SOX6: variants seen among roughly 807,000 people sequenced by gnomAD.
SOX6 encodes transcription factor SOX-6.
A neutral mutation model predicts 97.8 loss-of-function variants in SOX6; 11 were observed. The ratio of observed to expected loss-of-function variants is 0.11; its 90% CI spans 0.07 to 0.19. SOX6 has a LOEUF of 0.19. Among genes scored for constraint, SOX6 ranks in the 10% least tolerant of loss-of-function variants. The pLI is 1.00. For synonymous variants in SOX6, 360 were observed against 371.4 expected (o/e 0.97, Z 0.35); for missense variants, 810 against 1,039.5 (o/e 0.78, Z 3.04).
At chr11:16,591,345 A>AGATAGAT (rs1848150232) in intron 4 of SOX6, among the ~76,000 whole-genome samples, 1 of 91,886 alleles carries the variant, frequency 1.1e-5, no homozygotes, top group Non-Finnish European at 2.2e-5. Context: ...ATAGATAGAT[A>AGATAGAT]GATAGACAGA....
At chr11:16,166,713 G>A (rs1190926538) in intron 6 of SOX6, among the ~76,000 whole-genome samples, 1 of 152,150 alleles carries the variant, frequency 6.6e-6, no homozygotes, top group East Asian at 1.9e-4. Context: ...GGAAAGCAGT[G>A]GTGGTGATCA....
chr11:16,332,635 T>C (rs1425840868), intron 2 of SOX6, among the ~76,000 whole-genome samples: 1 of 152,208 alleles, frequency 6.6e-6, no homozygotes, highest in Non-Finnish European at 1.5e-5. Context: ...CATTTCTAAT[T>C]TCAACCTGAT....
chr11:16,108,987 A>C (rs1590201828), intron 7 of SOX6, among the ~76,000 whole-genome samples: 2 of 152,306 alleles, frequency 1.3e-5, no homozygotes, highest in South Asian at 2.1e-4. Context: ...TGAAGGCACA[A>C]ATACCATGAA....
chr11:16,013,462 C>A (rs527516462), intron 13 of SOX6, among the ~76,000 whole-genome samples: 1 of 151,934 alleles, frequency 6.6e-6, no homozygotes, highest in African/African-American at 2.4e-5. Context: ...GAACCTCAAC[C>A]CTTATCGGTG....
chr11:16,550,712 G>A (rs1847673934), intron 4 of SOX6, among the ~76,000 whole-genome samples: 1 of 152,076 alleles, frequency 6.6e-6, no homozygotes, highest in African/African-American at 2.4e-5. Flanking sequence ...CAGTAAGGAA[G>A]AAAGTGAAGT....
intron 4 of SOX6, among the ~76,000 whole-genome samples, chr11:16,487,986 G>T (rs556694502): frequency 6.6e-6 from 1 of 152,286 alleles, no homozygotes; most frequent in African/African-American, 2.4e-5. Flanking sequence ...AACAACTTAT[G>T]GGAATACAGA....
chr11:16,324,745 T>C (rs1434987160), intron 2 of SOX6, among the ~76,000 whole-genome samples: 1 of 152,120 alleles, frequency 6.6e-6, no homozygotes, highest in African/African-American at 2.4e-5. Flanking sequence ...AATGGAATAT[T>C]ATTTACAGTA....
At chr11:16,220,564 T>C (rs1254648768) in intron 4 of SOX6, among the ~76,000 whole-genome samples, 3 of 152,100 alleles carry the variant, frequency 2.0e-5, no homozygotes, top group East Asian at 1.9e-4. Flanking sequence ...TGCAATATTA[T>C]ACATGTTTAA....
intron 6 of SOX6, among the ~76,000 whole-genome samples, chr11:16,176,906 G>T (rs1467171312): frequency 1.3e-5 from 2 of 151,852 alleles, no homozygotes; most frequent in Non-Finnish European, 2.9e-5. Context: ...TTTAAGCTCA[G>T]ACAAGCCTCT....
intron 4 of SOX6, among the ~76,000 whole-genome samples, chr11:16,565,362 T>C (rs1021336148): frequency 5.3e-5 from 8 of 152,254 alleles, no homozygotes; most frequent in Admixed American, 2.0e-4. Context: ...GTCTACCAAA[T>C]GTTTAAAGAT....
intron 4 of SOX6, among the ~76,000 whole-genome samples, chr11:16,578,694 A>ATT (rs1451766160): frequency 2.3e-3 from 352 of 152,266 alleles, no homozygotes; most frequent in Non-Finnish European, 3.9e-3. Context: ...TGAAAGCTAC[A>ATT]GAATTCTATG....
In SOX6 at chr11:16,464,897, T is replaced by C. The variant is rs567833456; in HGVS notation, c.-5+11418A>G. 3.9e-5 allele frequency among the ~76,000 whole-genome samples: 6 copies of C among 152,304 alleles called. No individual in the cohort carries two copies. The East Asian group carries it at 1.2e-3, about 29-fold the overall frequency. On this transcript the variant is annotated intron_variant, in intron 1 of 15. Transcript: ENST00000396356. The stretch of plus-strand genomic sequence containing the variant: ...TTTACATAAATCAGGGGGGAAAAAC[T>C]GTAGAACTCCTTTTACATTGGTATT...
At chr11:16,495,578 T>C (rs1006548442) in intron 4 of SOX6, among the ~76,000 whole-genome samples, 2 of 152,126 alleles carry the variant, frequency 1.3e-5, no homozygotes, top group Admixed American at 6.5e-5. Context: ...CACCTGTGGT[T>C]CAAGGACTGT....
intron 4 of SOX6, among the ~76,000 whole-genome samples, chr11:16,544,355 G>A (rs1847589682): frequency 6.6e-6 from 1 of 152,060 alleles, no homozygotes. Flanking sequence ...AGTCTCCTGG[G>A]CTCAACAATC....
Position 16,223,968 on chromosome 11 carries a change from T to G in SOX6, c.535+10614A>C, listed in dbSNP as rs1181518744. ...GTCACCAAATAGACTAATACATATT[T>G]AATATAATCATAATTGTGTAAGAAT... On this transcript the variant is annotated intron_variant, in intron 4 of 15. Transcript: ENST00000683767. Among the ~76,000 whole-genome samples the G allele has an allele frequency of 2.6e-5, 4 of 152,250 alleles. No homozygotes were observed. The East Asian group carries it at 5.8e-4, about 22-fold the overall frequency.
chr11:16,180,130 C>T (rs1384643217), intron 6 of SOX6, among the ~76,000 whole-genome samples: 5 of 151,652 alleles, frequency 3.3e-5, no homozygotes, highest in Non-Finnish European at 7.4e-5. Flanking sequence ...TGAAAAAAAT[C>T]AAGAAATGAG....
intron 6 of SOX6, among the ~76,000 whole-genome samples, chr11:16,171,822 T>C (rs1851046629): frequency 6.6e-6 from 1 of 151,706 alleles, no homozygotes; most frequent in African/African-American, 2.4e-5. Flanking sequence ...TGGGAGGAAA[T>C]CAGAAAACCG....
Position 16,321,816 on chromosome 11 carries a change from T to C in SOX6, c.238-3163A>G, listed in dbSNP as rs549612674. 2.6e-5 allele frequency among the ~76,000 whole-genome samples: 4 copies of C among 152,274 alleles called. No individual in the cohort carries two copies. The East Asian group carries it at 7.7e-4, about 29-fold the overall frequency. ...AAACGGCTTAAGTCGCGTGTTATGTTATACCATGCTTAACAACAATGGGAG... is the reference window on the plus strand; with the variant it reads ...AAACGGCTTAAGTCGCGTGTTATGTCATACCATGCTTAACAACAATGGGAG... On this transcript the variant is annotated intron_variant, in intron 2 of 15. Transcript: ENST00000683767.
intron 3 of SOX6, among the ~76,000 whole-genome samples, chr11:16,297,616 C>T (rs1243948060): frequency 1.3e-5 from 2 of 152,180 alleles, no homozygotes; most frequent in Non-Finnish European, 2.9e-5. Flanking sequence ...ATGGGCTCCA[C>T]ATTACCCATT....
Sources: allele counts gnomAD v4.1 joint callset (sites outside exome capture counted in the v4.1 genomes callset), GRCh38; gene constraint gnomAD v4.1.1; transcripts MANE v1.5; gene names NCBI Gene and HGNC (gene_info 2026-07-23, HGNC 2026-07-21).